Variants in COMMD1 observed in about 807,000 individuals in gnomAD.
The protein encoded by COMMD1 is COMM domain-containing protein 1.
COMMD1 carries 10 observed loss-of-function variants against 17.2 expected under a neutral mutation model. The observed-to-expected ratio is 0.58, with a 90% CI of 0.36 to 0.99. The LOEUF is 0.99. COMMD1 is among the 50% of genes least tolerant of loss of function. The pLI is 0.01. For missense variants in COMMD1, 270 were observed against 231.8 expected (o/e 1.17, Z -1.07); for synonymous variants, 97 against 91.6 (o/e 1.06, Z -0.34).
At chr2:62,134,891 G>A (rs1673147396) in intron 2 of COMMD1, among the ~76,000 whole-genome samples, 1 of 152,168 alleles carries the variant, frequency 6.6e-6, no homozygotes, top group Non-Finnish European at 1.5e-5. Flanking sequence ...AGCAAGTGGA[G>A]GGACCCCAGA....
intron 2 of COMMD1, among the ~76,000 whole-genome samples, chr2:62,080,978 C>T (rs1455776422): frequency 2.6e-5 from 4 of 151,448 alleles, no homozygotes; most frequent in Admixed American, 6.6e-5. Flanking sequence ...GATGTTTCTA[C>T]TTTGTTGTTT....
chr2:62,028,005 G>C (rs980768828), intron 2 of COMMD1, among the ~76,000 whole-genome samples: 3 of 152,092 alleles, frequency 2.0e-5, no homozygotes, highest in Admixed American at 6.6e-5. Context: ...TTTAGTTCCT[G>C]ATTTTTATAG....
chr2:62,128,554 G>A lies in COMMD1; in HGVS notation c.463-7277G>A, dbSNP rs146582672. Among the ~76,000 whole-genome samples the A allele has an allele frequency of 5.5e-3, 834 of 152,212 alleles. 6 individuals are homozygous for A. Among genetic ancestry groups the A allele is most frequent in the Middle Eastern group, 0.017 (5 of 294 alleles). On this transcript the variant is annotated intron_variant, in intron 2 of 2. Coordinates refer to ENST00000311832, the MANE Select transcript of COMMD1 (RefSeq NM_152516.4). ...TTCTTAATGAAATCTCATCTTAGTT[G>A]TTGATGTTGTTGTTCTTCCTCCTCC...
upstream of COMMD1, among the ~76,000 whole-genome samples, chr2:61,904,246 C>T (rs13415047): frequency 0.11 from 16,801 of 151,768 alleles, 2,148 homozygotes; most frequent in African/African-American, 0.31. Flanking sequence ...CTCCTGACCT[C>T]GTGATCCGTC....
chr2:62,003,591 G>A (rs1040710492), intron 2 of COMMD1, among the ~76,000 whole-genome samples: 10 of 133,722 alleles, frequency 7.5e-5, no homozygotes, highest in Admixed American at 4.9e-4. Flanking sequence ...ATTACGTTAT[G>A]TGACAGATAT....
intron 1 of COMMD1, among the ~76,000 whole-genome samples, chr2:61,961,234 A>G (rs1156705345): frequency 6.6e-6 from 1 of 152,238 alleles, no homozygotes; most frequent in Non-Finnish European, 1.5e-5. Flanking sequence ...AAGGAGACAG[A>G]GTTATTTATA....
intron 1 of COMMD1, among the ~76,000 whole-genome samples, chr2:61,912,902 T>G (rs781178943): frequency 2.6e-5 from 4 of 152,096 alleles, no homozygotes; most frequent in Non-Finnish European, 5.9e-5. Flanking sequence ...ACAGAAAAAG[T>G]TTGCTGACCT....
At chr2:62,065,198 A>G (rs191039671) in intron 2 of COMMD1, among the ~76,000 whole-genome samples, 3 of 152,144 alleles carry the variant, frequency 2.0e-5, no homozygotes, top group African/African-American at 4.8e-5. Flanking sequence ...TATATGATAT[A>G]TTTTCCTGGG....
intron 2 of COMMD1, among the ~76,000 whole-genome samples, chr2:62,003,561 A>T (rs1018116141): frequency 1.3e-5 from 2 of 151,096 alleles, no homozygotes; most frequent in Admixed American, 6.6e-5. Flanking sequence ...AACAAAAAAA[A>T]CTTGTCTGTT....
intron 2 of COMMD1, among the ~76,000 whole-genome samples, chr2:62,043,521 A>T (rs1452909690): frequency 2.6e-5 from 4 of 152,182 alleles, no homozygotes; most frequent in Non-Finnish European, 4.4e-5. Context: ...TATTAGGCTT[A>T]GTGGTGCCAT....
At chr2:61,922,242 C>T (rs528390711) in intron 1 of COMMD1, among the ~76,000 whole-genome samples, 6 of 152,276 alleles carry the variant, frequency 3.9e-5, no homozygotes, top group Admixed American at 6.5e-5. Flanking sequence ...ACGCTAAAAG[C>T]GGACTTTTAC....
At chr2:61,992,896 A>G (rs1014566511) in intron 1 of COMMD1, among the ~76,000 whole-genome samples, 2 of 152,226 alleles carry the variant, frequency 1.3e-5, no homozygotes, top group African/African-American at 4.8e-5. Flanking sequence ...TTTTTCTTCC[A>G]TTCAAGTAAA....
intron 2 of COMMD1, among the ~76,000 whole-genome samples, chr2:62,112,970 C>T (rs1302493550): frequency 1.3e-5 from 2 of 152,050 alleles, no homozygotes; most frequent in African/African-American, 2.4e-5. Flanking sequence ...ATATACTGAA[C>T]TTTTAAGCAT....
At chr2:61,899,969 G>A (rs1558514600) in intron 1 of COMMD1, among the ~76,000 whole-genome samples, 2 of 152,194 alleles carry the variant, frequency 1.3e-5, no homozygotes, top group Non-Finnish European at 2.9e-5. Flanking sequence ...ACCGCGCCCA[G>A]CCTGTATTTT....
At chr2:61,962,373 C>G (rs2103697957) in intron 1 of COMMD1, among the ~76,000 whole-genome samples, 1 of 152,252 alleles carries the variant, frequency 6.6e-6, no homozygotes, top group Middle Eastern at 3.4e-3. Context: ...ATTTTTGACA[C>G]TAGGCCCCTC....
At chr2:62,095,377 T>C (rs1365400459) in intron 2 of COMMD1, among the ~76,000 whole-genome samples, 1 of 152,200 alleles carries the variant, frequency 6.6e-6, no homozygotes. Context: ...TATACAATAA[T>C]TTTGATTAAT....
intron 2 of COMMD1, among the ~76,000 whole-genome samples, chr2:62,117,580 T>A (rs1672641337): frequency 6.6e-6 from 1 of 152,236 alleles, no homozygotes; most frequent in Admixed American, 6.5e-5. Flanking sequence ...TTCCTCACTT[T>A]CCTCATCTGT....
At chr2:61,992,248 A>G (rs1268480040) in intron 1 of COMMD1, among the ~76,000 whole-genome samples, 1 of 152,220 alleles carries the variant, frequency 6.6e-6, no homozygotes, top group Non-Finnish European at 1.5e-5. Flanking sequence ...TTAACATCCT[A>G]TTTGTAAAGT....
At chr2:62,015,695 GTTTTTTTTTTTTTTCTT>G (rs1241094635) in intron 2 of COMMD1, among the ~76,000 whole-genome samples, 4 of 127,238 alleles carry the variant, frequency 3.1e-5, no homozygotes, top group Non-Finnish European at 6.8e-5. Flanking sequence ...TAGTTTCTGG[GTTTTTTTTTTTTTTCTT>G]TTTTTTTTTT....
Sources: allele counts gnomAD v4.1 joint callset (sites outside exome capture counted in the v4.1 genomes callset), GRCh38; gene constraint gnomAD v4.1.1; transcripts MANE v1.5; gene names NCBI Gene and HGNC (gene_info 2026-07-23, HGNC 2026-07-21).